Variants in CHFR observed in about 807,000 individuals in gnomAD.
The protein encoded by CHFR is E3 ubiquitin-protein ligase CHFR.
A neutral mutation model predicts 87.6 loss-of-function variants in CHFR; 57 were observed. The ratio of observed to expected loss-of-function variants is 0.65; its 90% CI spans 0.53 to 0.81. The LOEUF is 0.81. Among genes scored for constraint, CHFR ranks in the 30% least tolerant of loss-of-function variants. The pLI is 0.00. For synonymous variants in CHFR, 381 were observed against 359.2 expected (o/e 1.06, Z -0.69); for missense variants, 797 against 865.8 (o/e 0.92, Z 1.00).
intron 10 of CHFR, among the ~76,000 whole-genome samples, chr12:132,856,212 C>T (rs996423254): frequency 3.9e-5 from 6 of 152,240 alleles, no homozygotes; most frequent in Admixed American, 3.9e-4. Context: ...CTACAGCAGT[C>T]GCCTGCGGCT....
At position 132,836,739 on chromosome 12, in the gene CHFR, C is replaced by T. The variant is rs746915737; in HGVS notation, c.*4815G>A. 1.3e-5 allele frequency: 6 copies of T among 456,026 alleles called. No individual in the cohort carries two copies. The highest frequency in any genetic ancestry group is 2.2e-5 in the Non-Finnish European group (5 of 226,792). The allele number at this position is 456,026 out of a possible 1,614,324, so 28.2% of individuals were successfully genotyped here. ...GAAGGAGACAACCGTGAAAAGTGAG[C>T]GACAGAGGAAGGGGCGCCTGTTTGT... On this transcript the variant is annotated 3_prime_UTR_variant, in exon 18 of 18. Transcript: ENST00000450056.
rs1156349086 is a variant in CHFR, at chr12:132,832,669, TAC to T, written c.*8883_*8884del. 3 of 152,230 alleles carry T rather than the reference TAC, an allele frequency of 2.0e-5. No homozygotes were observed. The highest frequency in any genetic ancestry group is 2.0e-4 in the Admixed American group (3 of 15,280). The allele number at this position is 152,230 out of a possible 1,614,324, so 9.4% of individuals were successfully genotyped here. On this transcript the variant is annotated 3_prime_UTR_variant, in exon 18 of 18. Transcript: ENST00000450056. Reference sequence around the variant, plus strand: ...AAATGTGACAAACATTAAATTTAAATACAGTTAGAAACAATGAATCTAATCAT... The same window carrying T: ...AAATGTGACAAACATTAAATTTAAATAGTTAGAAACAATGAATCTAATCAT...
Position 132,869,736 on chromosome 12 carries a change from T to C in CHFR, c.466A>G (p.Thr156Ala), listed in dbSNP as rs1359228046. ...TGTGGTTCCTCAAAGCACACCTGAG[T>C]GGCGGGCGACGACGGAGGGACCCGG... ...DPRVPPSSPA[T>A]QVCFEEPQPS... is the part of the protein sequence containing the mutation. Residue 156 changes from threonine (T) to alanine (A), a missense_variant, in exon 6 of 18, where the codon ACT becomes GCT. By Grantham distance (58) the Thr-to-Ala change is moderately conservative. Coordinates refer to ENST00000450056, the MANE Select transcript of CHFR (RefSeq NM_001161346.2). The C allele has an allele frequency of 6.4e-7, 1 of 1,551,300 alleles. No homozygotes were observed. Among genetic ancestry groups the C allele is most frequent in the Admixed American group, 2.0e-5 (1 of 50,958 alleles).
chr12:132,861,350 G>A, intron 7 of CHFR, 117 bp downstream of exon 7: 5 of 1,028,524 alleles, frequency 4.9e-6, no homozygotes, highest in Non-Finnish European at 7.3e-6. Context: ...TCAACCTGAG[G>A]CAGGGTCCAC....
intron 2 of CHFR, among the ~76,000 whole-genome samples, chr12:132,883,464 G>A (rs1254486927): frequency 1.4e-5 from 2 of 146,208 alleles, no homozygotes; most frequent in Non-Finnish European, 3.0e-5. Flanking sequence ...AGTGGCTCAC[G>A]CCTCTAATCC....
intron 6 of CHFR, among the ~76,000 whole-genome samples, chr12:132,863,769 C>CT (rs1555271354): frequency 1.3e-5 from 2 of 151,964 alleles, no homozygotes; most frequent in Non-Finnish European, 1.5e-5. Context: ...TCACCTCTAT[C>CT]TTTTTTTTGA....
In CHFR at chr12:132,887,276, C is replaced by G. The variant is rs1951921084; in HGVS notation, c.53G>C (p.Arg18Pro). The change falls in exon 2 of 18, where the codon CGG becomes CCG. Residue 18 changes from arginine (R) to proline (P), a missense_variant. Arg to Pro is a moderately radical substitution (Grantham distance 103, BLOSUM62 -2). This residue lies in a region of CHFR where 597 missense variants were observed against 601.2 expected (regional missense o/e 0.99). Coordinates refer to ENST00000450056, the MANE Select transcript of CHFR (RefSeq NM_001161346.2). Reference protein sequence around the residue: ...KQSPPPQPWGRLLRLGAEEGE... With the variant: ...KQSPPPQPWGPLLRLGAEEGE... ...CTCCTCCGCGCCCAGACGCAGGAGC[C>G]GTCCCCAGGGCTGCGGCGGCGGCGA... The G allele has an allele frequency of 2.0e-6, 3 of 1,497,172 alleles. No individual in the cohort carries two copies. The highest frequency in any genetic ancestry group is 1.5e-5 in the African/African-American group (1 of 68,628). The allele number at this position is 1,497,172 out of a possible 1,614,324, so 92.7% of individuals were successfully genotyped here.
At chr12:132,848,338 C>T in intron 13 of CHFR, 183 bp from the exon 14 acceptor site, 1 of 1,167,970 alleles carries the variant, frequency 8.6e-7, no homozygotes, top group Non-Finnish European at 1.2e-6. Context: ...CCACTCCCTC[C>T]TTAAAAAGAT....
rs1014185512 is a variant in CHFR, at chr12:132,873,658, C to T, written c.234-1264G>A. On this transcript the variant is annotated intron_variant, in intron 3 of 17. Transcript: ENST00000450056. ...GCTGGCTACGGGGCTGGAGTGCACA[C>T]GGACTTGGGTGCATGCAGGGGCGCT... 5.6e-5 allele frequency among the ~76,000 whole-genome samples: 8 copies of T among 143,222 alleles called. 1 individual carries two copies. Among genetic ancestry groups the T allele is most frequent in the South Asian group, 4.8e-4 (2 of 4,174 alleles). The allele number at this position is 143,222 out of a possible 152,430, so 94.0% of individuals were successfully genotyped here. A position where few individuals can be genotyped will look rare whatever the true frequency, so the allele number is the denominator to read the frequency against.
intron 10 of CHFR, 84 bp downstream of exon 10, chr12:132,856,384 G>C: frequency 6.9e-7 from 1 of 1,443,726 alleles, no homozygotes; most frequent in Non-Finnish European, 9.6e-7. Flanking sequence ...GACCCATGCT[G>C]TCCACCCAGT....
chr12:132,845,470 A>T (rs1298539034), intron 15 of CHFR, among the ~76,000 whole-genome samples: 13 of 144,074 alleles, frequency 9.0e-5, no homozygotes, highest in Admixed American at 5.6e-4. Context: ...AAAAAAAAAT[A>T]AATAAATAAA....
At chr12:132,851,545 C>T (rs2306540) in intron 12 of CHFR, 73 bp downstream of exon 12, 403,298 of 1,488,712 alleles carry the variant, frequency 0.27, 59,228 homozygotes, top group Non-Finnish European at 0.31. Flanking sequence ...ACCCTAAGGC[C>T]AACACCGCTT....
Position 132,887,330 on chromosome 12 carries a change from G to T in CHFR, c.-2C>A. ...CTTGCCTTCCTCGGGCCGCTCCATC[G>T]GGATTCACATCTGCGGAGACCCCGG... is the stretch of plus-strand genomic sequence containing the variant. On this transcript the variant is annotated 5_prime_UTR_variant, in exon 2 of 18. Coordinates refer to ENST00000450056, the MANE Select transcript of CHFR (RefSeq NM_001161346.2). The T allele has an allele frequency of 6.8e-7, 1 of 1,461,304 alleles. No individual in the cohort carries two copies. Among genetic ancestry groups the T allele is most frequent in the Non-Finnish European group, 9.0e-7 (1 of 1,112,534 alleles). The allele number at this position is 1,461,304 out of a possible 1,614,324, so 90.5% of individuals were successfully genotyped here. A position where few individuals can be genotyped will look rare whatever the true frequency, so the allele number is the denominator to read the frequency against.
chr12:132,869,806 C>T lies in CHFR; in HGVS notation c.404-8G>A. Reference sequence around the variant, plus strand: ...CACCTGCACCTGAGGTATCTTTGGTCCCATGGAACACATTTTCCTTGTTAG... The same window carrying T: ...CACCTGCACCTGAGGTATCTTTGGTTCCATGGAACACATTTTCCTTGTTAG... On this transcript the variant is annotated splice_region_variant and splice_polypyrimidine_tract_variant and intron_variant, in intron 5 of 17. Coordinates refer to ENST00000450056, the MANE Select transcript of CHFR (RefSeq NM_001161346.2). The T allele has an allele frequency of 6.4e-7, 1 of 1,551,268 alleles. No individual in the cohort carries two copies. Among genetic ancestry groups the T allele is most frequent in the Admixed American group, 2.0e-5 (1 of 50,984 alleles).
At chr12:132,876,545 G>A (rs1036607387) in intron 3 of CHFR, among the ~76,000 whole-genome samples, 7 of 152,172 alleles carry the variant, frequency 4.6e-5, no homozygotes, top group East Asian at 1.9e-4. Context: ...GTACAAGAAC[G>A]AGAATTTATT....
At chr12:132,848,592 G>A (rs1412380872) in intron 13 of CHFR, 49 bp downstream of exon 13, 16 of 1,420,280 alleles carry the variant, frequency 1.1e-5, no homozygotes, top group Non-Finnish European at 1.5e-5. Context: ...AGTTCACCAA[G>A]AGAACATGCA....
intron 15 of CHFR, among the ~76,000 whole-genome samples, chr12:132,845,477 T>TAA (rs1950800002): frequency 6.6e-6 from 1 of 150,766 alleles, no homozygotes; most frequent in Non-Finnish European, 1.5e-5. Context: ...AATAAATAAA[T>TAA]AAATAAAAAT....
In CHFR at chr12:132,834,121, G is replaced by C. The variant is rs1950631521; in HGVS notation, c.*7433C>G. 1 of 152,374 alleles carries C rather than the reference G, an allele frequency of 6.6e-6. No individual in the cohort carries two copies. 9.4% of individuals were successfully genotyped at this position (152,374 alleles called of 1,614,324 possible). On this transcript the variant is annotated 3_prime_UTR_variant, in exon 18 of 18. Transcript: ENST00000450056. ...CTACAGGGAGGCCATGCCATCTTCTGACAGTGGAGAGGGCAGGTCTGCCGG... is the reference window on the plus strand; with the variant it reads ...CTACAGGGAGGCCATGCCATCTTCTCACAGTGGAGAGGGCAGGTCTGCCGG...
chr12:132,885,419 T>TGTAA (rs373682287), intron 2 of CHFR, among the ~76,000 whole-genome samples: 1 of 146,540 alleles, frequency 6.8e-6, no homozygotes, highest in African/African-American at 2.5e-5. Context: ...TCAAAAAATA[T>TGTAA]ATAAATAAAT....
Sources: gnomAD v4.1 joint callset for allele counts (sites outside exome capture counted in the v4.1 genomes callset) on GRCh38, gnomAD v4.1.1 for gene constraint, gnomAD v4.1.1 regional missense constraint, MANE v1.5 for transcripts, NCBI Gene and HGNC (gene_info 2026-07-23, HGNC 2026-07-21) for gene names.